Variants in KIAA1217 observed in about 807,000 individuals in gnomAD.
The protein encoded by KIAA1217 is KIAA1217, also known as sickle tail protein homolog.
Under a neutral mutation model 163.9 loss-of-function variants are expected in KIAA1217, and 88 were observed. That is an observed-to-expected ratio of 0.54 (90% CI 0.45 to 0.64). The LOEUF is 0.64. Ranked by LOEUF, KIAA1217 falls within the 30% of genes least tolerant of loss-of-function variation. The pLI is 0.00. For missense variants in KIAA1217, 2,372 were observed against 2,475.0 expected (o/e 0.96, Z 0.88); for synonymous variants, 903 against 923.1 (o/e 0.98, Z 0.39).
intron 2 of KIAA1217, among the ~76,000 whole-genome samples, chr10:24,075,794 G>T (rs1170700026): frequency 6.6e-6 from 1 of 151,956 alleles, no homozygotes; most frequent in Non-Finnish European, 1.5e-5. Flanking sequence ...AGTAGAGATT[G>T]GGTTTCACCA....
intron 5 of KIAA1217, among the ~76,000 whole-genome samples, chr10:24,450,366 T>C (rs1270487613): frequency 2.0e-5 from 3 of 152,234 alleles, no homozygotes; most frequent in Non-Finnish European, 4.4e-5. Flanking sequence ...TCTACAGTTT[T>C]AAATGACAAG....
chr10:24,205,239 C>G (rs1205901574), upstream of KIAA1217, among the ~76,000 whole-genome samples: 2 of 145,462 alleles, frequency 1.4e-5, no homozygotes, highest in Non-Finnish European at 3.0e-5. Flanking sequence ...GGCGAATTAC[C>G]TGCGGTCAGG....
intron 2 of KIAA1217, among the ~76,000 whole-genome samples, chr10:24,092,081 C>T (rs190337446): frequency 6.6e-6 from 1 of 151,848 alleles, no homozygotes; most frequent in East Asian, 1.9e-4. Flanking sequence ...CTTCTCTTTC[C>T]CTTATCTCCA....
At chr10:23,705,147 TTTA>T (rs1301558673) in intron 1 of KIAA1217, among the ~76,000 whole-genome samples, 1 of 152,180 alleles carries the variant, frequency 6.6e-6, no homozygotes, top group Admixed American at 6.5e-5. Flanking sequence ...GGTTTGTCTT[TTTA>T]TTATTGAGTG....
At chr10:24,435,762 T>C (rs925090498) in intron 4 of KIAA1217, among the ~76,000 whole-genome samples, 4 of 152,082 alleles carry the variant, frequency 2.6e-5, no homozygotes, top group African/African-American at 7.2e-5. Flanking sequence ...TTCTCCTTAA[T>C]GGAAATCTAG....
chr10:23,828,339 C>A lies in KIAA1217; in HGVS notation c.-321+133105C>A, dbSNP rs927589563. ...ACAGCAATAGCAGATGGAGTAGGGA[C>A]TCCCTGCTCTCCAAACTTCTAGAAG... On this transcript the variant is annotated intron_variant, in intron 1 of 18. Coordinates refer to the KIAA1217 transcript ENST00000376462. Among the ~76,000 whole-genome samples the A allele has an allele frequency of 4.6e-5, 7 of 152,104 alleles. No individual in the cohort carries two copies. In the East Asian group the frequency reaches 1.2e-3, roughly 25 times the overall value.
chr10:24,040,020 T>C (rs1468817891), intron 2 of KIAA1217, among the ~76,000 whole-genome samples: 1 of 152,174 alleles, frequency 6.6e-6, no homozygotes, highest in African/African-American at 2.4e-5. Context: ...GTCATTCTAT[T>C]CCTCTGAAAT....
chr10:24,197,725 C>T (rs1479413784), intron 2 of KIAA1217, among the ~76,000 whole-genome samples: 1 of 152,228 alleles, frequency 6.6e-6, no homozygotes, highest in African/African-American at 2.4e-5. Context: ...ATTACTGTAA[C>T]AGAAACTTTA....
intron 1 of KIAA1217, among the ~76,000 whole-genome samples, chr10:23,957,045 G>C (rs968238095): frequency 6.6e-6 from 1 of 151,990 alleles, no homozygotes; most frequent in African/African-American, 2.4e-5. Flanking sequence ...TCCTCACCAG[G>C]CTCCCCATGC....
chr10:24,084,790 C>G (rs1200335884), intron 2 of KIAA1217, among the ~76,000 whole-genome samples: 2 of 152,180 alleles, frequency 1.3e-5, no homozygotes, highest in African/African-American at 4.8e-5. Flanking sequence ...CCTCTGCCTT[C>G]CTTTGCCGCA....
chr10:24,535,178 A>G (rs2073821390), intron 16 of KIAA1217, among the ~76,000 whole-genome samples: 2 of 152,204 alleles, frequency 1.3e-5, no homozygotes, highest in African/African-American at 2.4e-5. Context: ...GGAGATGGCA[A>G]TTGGCATTTG....
At chr10:23,969,693 A>T (rs1412450925) in intron 1 of KIAA1217, among the ~76,000 whole-genome samples, 3 of 152,176 alleles carry the variant, frequency 2.0e-5, no homozygotes. Context: ...CCTTTATCAA[A>T]TATATGGTTT....
At chr10:24,182,371 G>T (rs902704068) in intron 2 of KIAA1217, among the ~76,000 whole-genome samples, 2 of 151,488 alleles carry the variant, frequency 1.3e-5, no homozygotes, top group Non-Finnish European at 2.9e-5. Context: ...GGGGAGGTGG[G>T]GGGAGGGCTG....
rs3215905 is a variant in KIAA1217 at position 24,433,267 on chromosome 10, AG to A, written c.752+78del. The A allele has an allele frequency of 1.9e-4, 231 of 1,185,804 alleles. 3 individuals are homozygous for A. Among genetic ancestry groups the A allele is most frequent in the South Asian group, 4.5e-4 (31 of 68,704 alleles). The allele number at this position is 1,185,804 out of a possible 1,614,324, so 73.5% of individuals were successfully genotyped here. A position where few individuals can be genotyped will look rare whatever the true frequency, so the allele number is the denominator to read the frequency against. ...TTTGTTTTTTGTTTTTTTGTTTTTGAGGGGTTTTTTTTTACCCACTATATTG... is the reference window on the plus strand; with the variant it reads ...TTTGTTTTTTGTTTTTTTGTTTTTGAGGGTTTTTTTTTACCCACTATATTG... On this transcript the variant is annotated intron_variant, in intron 4 of 20. Coordinates refer to ENST00000376454, the MANE Select transcript of KIAA1217 (RefSeq NM_019590.5).
chr10:24,359,635 T>A (rs757529705), intron 2 of KIAA1217, among the ~76,000 whole-genome samples: 8 of 152,204 alleles, frequency 5.3e-5, no homozygotes, highest in Non-Finnish European at 1.2e-4. Flanking sequence ...TCTTTCTCTT[T>A]CCAGAAATTA....
chr10:24,371,472 A>G (rs2051638791), intron 2 of KIAA1217, among the ~76,000 whole-genome samples: 1 of 152,230 alleles, frequency 6.6e-6, no homozygotes, highest in African/African-American at 2.4e-5. Flanking sequence ...AGAACTACAG[A>G]TGTGGAAGTC....
At chr10:24,219,475 T>A in intron 1 of KIAA1217, 151 bp from the exon 2 acceptor site, 1 of 602,692 alleles carries the variant, frequency 1.7e-6, no homozygotes, top group Non-Finnish European at 2.7e-6. Context: ...CTCCCCTGAC[T>A]GCTGCAAAGC....
chr10:23,759,068 CTTAT>C (rs1040832510), intron 1 of KIAA1217, among the ~76,000 whole-genome samples: 1 of 152,172 alleles, frequency 6.6e-6, no homozygotes, highest in Non-Finnish European at 1.5e-5. Flanking sequence ...AATCTTTCCA[CTTAT>C]TTATTTCTTC....
At chr10:24,536,401 G>A (rs545912189) in intron 16 of KIAA1217, among the ~76,000 whole-genome samples, 1 of 152,174 alleles carries the variant, frequency 6.6e-6, no homozygotes, top group African/African-American at 2.4e-5. Flanking sequence ...AAAAAAAGAG[G>A]AATAAAAAAG....
Sources: allele counts gnomAD v4.1 joint callset (sites outside exome capture counted in the v4.1 genomes callset), GRCh38; gene constraint gnomAD v4.1.1; transcripts MANE v1.5; gene names NCBI Gene and HGNC (gene_info 2026-07-23, HGNC 2026-07-21).